Variants in ADCY1 observed in about 807,000 individuals in gnomAD.
The protein encoded by ADCY1 is adenylate cyclase 1.
In ADCY1, 28 loss-of-function variants were observed where a neutral mutation model predicts 105.4. The ratio of observed to expected loss-of-function variants is 0.27; its 90% confidence interval spans 0.20 to 0.36. ADCY1 has a LOEUF of 0.36. ADCY1 is among the 10% of genes least tolerant of loss of function. The probability of loss-of-function intolerance (pLI) is 1.00; values close to 1 mark genes in which losing one functional copy is unlikely to be tolerated. For synonymous variants in ADCY1, 655 were observed against 623.8 expected, an observed-to-expected ratio of 1.05 and a Z score of -0.75; for missense variants, 977 against 1,434.2, an observed-to-expected ratio of 0.68 and a Z score of 5.15.
At chr7:45,661,450 C>G (rs902075748) in intron 7 of ADCY1, among the ~76,000 whole-genome samples, 17 of 152,028 alleles carry the variant, frequency 1.1e-4, no homozygotes, top group African/African-American at 4.1e-4. Flanking sequence ...TTTGGACTCA[C>G]TCAGAAGACA....
chr7:45,697,636 C>T (rs1253320315), intron 14 of ADCY1, among the ~76,000 whole-genome samples: 1 of 152,094 alleles, frequency 6.6e-6, no homozygotes. Context: ...ATGATCTGCC[C>T]GCCTCAGCTT....
In ADCY1 at chr7:45,714,208, C is replaced by T. The variant is rs558506321; in HGVS notation, c.*213C>T. Reference sequence around the variant, plus strand: ...GCAGTGACTCGGTGAGGGGAGGACACCCGACTGTGCACACTTCCAGGCCTC... The same window carrying T: ...GCAGTGACTCGGTGAGGGGAGGACATCCGACTGTGCACACTTCCAGGCCTC... On this transcript the variant is annotated 3_prime_UTR_variant, in exon 20 of 20. Transcript: ENST00000297323. 8.4e-5 allele frequency: 49 copies of T among 582,202 alleles called. No homozygotes were observed. The highest frequency in any genetic ancestry group is 1.1e-4 in the Non-Finnish European group (36 of 327,570). 36.1% of individuals were successfully genotyped at this position (582,202 alleles called of 1,614,324 possible).
Position 45,686,705 on chromosome 7 carries a change from G to T in ADCY1, c.2454+32G>T. The T allele has an allele frequency of 6.3e-7, 1 of 1,576,328 alleles. No homozygotes were observed. On this transcript the variant is annotated intron_variant, in intron 14 of 19. Coordinates refer to ENST00000297323, the MANE Select transcript of ADCY1 (RefSeq NM_021116.4). The surrounding 1 kb of genome is among the most constrained non-coding windows in gnomAD (Gnocchi z 4.3). ...CGAGCCCTTTCTGCTTTCTGGGGGTGGGGGATTTAGAGGAGGAAGAAGTCT... is the reference window on the plus strand; with the variant it reads ...CGAGCCCTTTCTGCTTTCTGGGGGTTGGGGATTTAGAGGAGGAAGAAGTCT...
chr7:45,664,824 A>C (rs930928607), intron 8 of ADCY1, among the ~76,000 whole-genome samples: 5 of 152,242 alleles, frequency 3.3e-5, no homozygotes, highest in African/African-American at 1.2e-4. Flanking sequence ...CAGGTTTGTT[A>C]CATAGGTATA....
intron 4 of ADCY1, among the ~76,000 whole-genome samples, chr7:45,624,202 A>G (rs1205227032): frequency 6.6e-6 from 1 of 152,156 alleles, no homozygotes; most frequent in Non-Finnish European, 1.5e-5. Flanking sequence ...GCTGGGCAGG[A>G]CAGAGCCAGG....
chr7:45,667,212 G>A (rs1784279331), intron 8 of ADCY1, among the ~76,000 whole-genome samples: 3 of 152,200 alleles, frequency 2.0e-5, no homozygotes, highest in Non-Finnish European at 4.4e-5. Flanking sequence ...CCATGCCTAT[G>A]TCCTGAATGG....
Position 45,668,919 on chromosome 7 carries a change from G to T in ADCY1, c.1605+6705G>T, listed in dbSNP as rs186531354. Among the ~76,000 whole-genome samples, 147 of 152,322 alleles carry T rather than the reference G, an allele frequency of 9.7e-4. 1 individual carries two copies. The highest frequency in any genetic ancestry group is 3.4e-3 in the African/African-American group (140 of 41,574). ...CTAGATTTTCTAGTTTATTTGCGTA[G>T]AAGTGTTTATAGTATTCTGTGATGG... On this transcript the variant is annotated intron_variant, in intron 8 of 19. Transcript: ENST00000297323.
At chr7:45,658,333 C>G (rs1015312036) in intron 6 of ADCY1, among the ~76,000 whole-genome samples, 11 of 152,210 alleles carry the variant, frequency 7.2e-5, no homozygotes, top group Admixed American at 7.2e-4. Context: ...TCATGGACAT[C>G]TGGGTCACAG....
intron 2 of ADCY1, 97 bp downstream of exon 2, chr7:45,593,005 C>T: frequency 6.7e-7 from 1 of 1,496,970 alleles, no homozygotes; most frequent in Non-Finnish European, 9.1e-7. Flanking sequence ...CCCGTGGTGA[C>T]ATGGGCCACA....
At chr7:45,676,048 G>GT (rs78665932) in intron 8 of ADCY1, among the ~76,000 whole-genome samples, 30,241 of 142,916 alleles carry the variant, frequency 0.21, 3,670 homozygotes, top group East Asian at 0.41. Flanking sequence ...GCTCTGTTTT[G>GT]TTTTTTTTTT....
intron 1 of ADCY1, among the ~76,000 whole-genome samples, chr7:45,586,835 G>A (rs1176048952): frequency 6.6e-6 from 1 of 152,226 alleles, no homozygotes; most frequent in African/African-American, 2.4e-5. Context: ...GTGCTGTGCA[G>A]GGAGCAGTTG....
At chr7:45,642,344 CAGGT>C (rs1049917864) in intron 4 of ADCY1, among the ~76,000 whole-genome samples, 1 of 152,074 alleles carries the variant, frequency 6.6e-6, no homozygotes, top group African/African-American at 2.4e-5. Flanking sequence ...TGATTTAGGG[CAGGT>C]AGGTGAGAAT....
At chr7:45,652,059 C>T (rs1284241335) in intron 5 of ADCY1, among the ~76,000 whole-genome samples, 2 of 152,062 alleles carry the variant, frequency 1.3e-5, no homozygotes, top group African/African-American at 2.4e-5. Context: ...ACAATCATGG[C>T]GGAAGGCAAA....
chr7:45,696,534 A>C (rs575308120), intron 14 of ADCY1, among the ~76,000 whole-genome samples: 1 of 151,802 alleles, frequency 6.6e-6, no homozygotes, highest in Non-Finnish European at 1.5e-5. Context: ...TAGCACAGTT[A>C]GTGTCCATGT....
chr7:45,579,053 T>C (rs999107895), intron 1 of ADCY1, among the ~76,000 whole-genome samples: 1 of 152,206 alleles, frequency 6.6e-6, no homozygotes, highest in African/African-American at 2.4e-5. Context: ...GAAATTTCCC[T>C]GTGCAGCCCC....
chr7:45,700,108 G>A (rs1784969290), intron 14 of ADCY1, among the ~76,000 whole-genome samples: 3 of 152,168 alleles, frequency 2.0e-5, no homozygotes, highest in Admixed American at 1.3e-4. Flanking sequence ...ATTCCGGGGA[G>A]ACTCACTGGG....
At chr7:45,610,642 G>A (rs1738038356) in intron 3 of ADCY1, 145 bp downstream of exon 3, 1 of 726,426 alleles carries the variant, frequency 1.4e-6, no homozygotes, top group African/African-American at 1.8e-5. Context: ...TAATGGTGAA[G>A]GTGGGGAAGT....
rs1001857379 is a variant in ADCY1 at position 45,664,356 on chromosome 7, G to A, written c.1605+2142G>A. 25 of 1,535,966 alleles carry A rather than the reference G, an allele frequency of 1.6e-5. No individual in the cohort carries two copies. In the African/African-American group the frequency reaches 2.1e-4, roughly 13 times the overall value. On this transcript the variant is annotated intron_variant, in intron 8 of 19. Coordinates refer to ENST00000297323, the MANE Select transcript of ADCY1 (RefSeq NM_021116.4). ...GGGTTTTGGTCTCCCACCCTGCAAC[G>A]GGGACGACTGTGCACGTAGCTTCAG...
At chr7:45,659,517 TG>T (rs1795033756) in intron 6 of ADCY1, among the ~76,000 whole-genome samples, 1 of 152,160 alleles carries the variant, frequency 6.6e-6, no homozygotes, top group African/African-American at 2.4e-5. Context: ...AAGATTGGGT[TG>T]GGGAGGCGTG....
Sources: gnomAD v4.1 joint callset for allele counts (sites outside exome capture counted in the v4.1 genomes callset) on GRCh38, gnomAD v4.1.1 for gene constraint, Gnocchi (gnomAD v3.1) non-coding constraint, MANE v1.5 for transcripts, NCBI Gene and HGNC (gene_info 2026-07-23, HGNC 2026-07-21) for gene names.